Variants in RFX3 observed in about 807,000 individuals in gnomAD.
RFX3 encodes transcription factor RFX3.
Under a neutral mutation model 98.6 loss-of-function variants are expected in RFX3, and 14 were observed. The ratio of observed to expected loss-of-function variants is 0.14; its 90% CI spans 0.09 to 0.22. The LOEUF is 0.22. Among genes scored for constraint, RFX3 ranks in the 10% least tolerant of loss-of-function variants. The pLI is 1.00. For synonymous variants in RFX3, 383 were observed against 328.4 expected, an observed-to-expected ratio of 1.17 and a Z score of -1.80; for missense variants, 639 against 926.9, an observed-to-expected ratio of 0.69 and a Z score of 4.03.
chr9:3,218,843 T>C lies in RFX3; in HGVS notation c.*6199A>G, dbSNP rs1817201424. The C allele has an allele frequency of 6.6e-6, 1 of 152,190 alleles. No homozygotes were observed. Among genetic ancestry groups the C allele is most frequent in the Non-Finnish European group, 1.5e-5 (1 of 68,010 alleles). 9.4% of individuals were successfully genotyped at this position (152,190 alleles called of 1,614,324 possible). ...ATATCTCCTAGTGTTACTATGTTTCTGTGCTTGTGGGACTGAATAATGTAA... is the reference window on the plus strand; with the variant it reads ...ATATCTCCTAGTGTTACTATGTTTCCGTGCTTGTGGGACTGAATAATGTAA... On this transcript the variant is annotated 3_prime_UTR_variant, in exon 17 of 17. Transcript: ENST00000617270.
At chr9:3,369,273 T>C (rs1349046149) in intron 2 of RFX3, among the ~76,000 whole-genome samples, 1 of 152,100 alleles carries the variant, frequency 6.6e-6, no homozygotes, top group Non-Finnish European at 1.5e-5. Flanking sequence ...CAGCCTGCTT[T>C]CTGGCTCATA....
chr9:3,341,296 CTAA>C lies in RFX3; in HGVS notation c.215+5368_215+5370del, dbSNP rs373811341. Among the ~76,000 whole-genome samples, 1,145 of 151,936 alleles carry C rather than the reference CTAA, an allele frequency of 7.5e-3. 8 individuals carry two copies. Among genetic ancestry groups the C allele is most frequent in the African/African-American group, 0.026 (1,084 of 41,414 alleles). On this transcript the variant is annotated intron_variant, in intron 3 of 16. Transcript: ENST00000617270. The stretch of plus-strand genomic sequence containing the variant: ...GGAGGGATAGCATTAGGAGATATAC[CTAA>C]TGCTAAATGACGAGTTAATGGGTGC...
At chr9:3,408,347 C>A in intron 1 of RFX3, among the ~76,000 whole-genome samples, 1 of 152,132 alleles carries the variant, frequency 6.6e-6, no homozygotes, top group East Asian at 1.9e-4. Flanking sequence ...TGCAGTACAA[C>A]CAACATCTCT....
At chr9:3,451,759 G>A (rs1289518417) in intron 1 of RFX3, among the ~76,000 whole-genome samples, 1 of 151,660 alleles carries the variant, frequency 6.6e-6, no homozygotes, top group Non-Finnish European at 1.5e-5. Context: ...GCATACATGG[G>A]AACTCTGTTT....
intron 1 of RFX3, among the ~76,000 whole-genome samples, chr9:3,455,871 G>A (rs1249940178): frequency 6.6e-6 from 1 of 152,110 alleles, no homozygotes. Context: ...CAAGTACTTC[G>A]CTTCTATTAA....
In RFX3 at chr9:3,222,078, C is replaced by G. The variant is rs142938895; in HGVS notation, c.*2964G>C. On this transcript the variant is annotated 3_prime_UTR_variant, in exon 17 of 17. Coordinates refer to ENST00000617270, the MANE Select transcript of RFX3 (RefSeq NM_001282116.2). The stretch of plus-strand genomic sequence containing the variant: ...AATAAATGCAATAAATGTGATTGCT[C>G]AATTTGCTCAAATGTATAAATTGTT... 3.7e-4 allele frequency: 57 copies of G among 152,230 alleles called. No homozygotes were observed. Among genetic ancestry groups the G allele is most frequent in the African/African-American group, 1.2e-3 (50 of 41,554 alleles). 9.4% of individuals were successfully genotyped at this position (152,230 alleles called of 1,614,324 possible).
intron 14 of RFX3, among the ~76,000 whole-genome samples, chr9:3,249,863 A>G (rs1413138614): frequency 6.6e-6 from 1 of 152,074 alleles, no homozygotes; most frequent in African/African-American, 2.4e-5. Flanking sequence ...TAATATATTC[A>G]TTATCATAAA....
At chr9:3,261,872 G>A (rs1001420950) in intron 13 of RFX3, among the ~76,000 whole-genome samples, 5 of 152,030 alleles carry the variant, frequency 3.3e-5, no homozygotes, top group African/African-American at 1.2e-4. Flanking sequence ...CCTCGCTGTG[G>A]TTTTGACTTG....
At chr9:3,402,574 AAAAT>A (rs1203754699) in intron 1 of RFX3, among the ~76,000 whole-genome samples, 2 of 152,088 alleles carry the variant, frequency 1.3e-5, no homozygotes, top group Non-Finnish European at 2.9e-5. Context: ...TTTACAGAAA[AAAAT>A]AAATGTTTTG....
chr9:3,473,837 T>C (rs1446106692), intron 1 of RFX3, among the ~76,000 whole-genome samples: 5 of 152,150 alleles, frequency 3.3e-5, no homozygotes, highest in Non-Finnish European at 5.9e-5. Flanking sequence ...GTCAAACGCA[T>C]TGAAAAGACT....
In RFX3 at chr9:3,370,084, G is replaced by T. The variant is rs991440382; in HGVS notation, c.118-23320C>A. On this transcript the variant is annotated intron_variant, in intron 2 of 16. Coordinates refer to ENST00000617270, the MANE Select transcript of RFX3 (RefSeq NM_001282116.2). The stretch of plus-strand genomic sequence containing the variant: ...TCTCGATCTCCTGACCTCGTGATCC[G>T]CCCGCCTCGGCCTCCCAGAGTGCTG... Among the ~76,000 whole-genome samples the T allele has an allele frequency of 6.2e-5, 9 of 145,568 alleles. No individual in the cohort carries two copies. In the Admixed American group the frequency reaches 6.3e-4, roughly 10 times the overall value.
intron 2 of RFX3, among the ~76,000 whole-genome samples, chr9:3,382,302 T>G (rs1028937969): frequency 2.0e-5 from 3 of 152,214 alleles, no homozygotes; most frequent in African/African-American, 7.2e-5. Flanking sequence ...AGATGAAAAG[T>G]TGTACCTTTG....
chr9:3,351,797 T>C (rs1480501928), intron 2 of RFX3, among the ~76,000 whole-genome samples: 2 of 151,978 alleles, frequency 1.3e-5, no homozygotes, highest in Non-Finnish European at 2.9e-5. Flanking sequence ...AAAGGGATTA[T>C]ATTAATTAAA....
At chr9:3,344,597 T>G in intron 3 of RFX3, 1 of 507,782 alleles carries the variant, frequency 2.0e-6, no homozygotes, top group Non-Finnish European at 3.5e-6. Flanking sequence ...TCAATACCCA[T>G]TTCAACTGCC....
At chr9:3,372,845 C>G (rs960522826) in intron 2 of RFX3, among the ~76,000 whole-genome samples, 1 of 152,086 alleles carries the variant, frequency 6.6e-6, no homozygotes, top group Admixed American at 6.6e-5. Flanking sequence ...CTTGGCATCC[C>G]AAAGTGCTGG....
intron 2 of RFX3, among the ~76,000 whole-genome samples, chr9:3,391,799 A>C (rs766217368): frequency 5.3e-5 from 8 of 152,192 alleles, no homozygotes; most frequent in Non-Finnish European, 1.2e-4. Flanking sequence ...CTTAAGAAGC[A>C]ATCAGGTTCC....
chr9:3,513,568 A>C (rs1817848067), intron 1 of RFX3, among the ~76,000 whole-genome samples: 1 of 152,190 alleles, frequency 6.6e-6, no homozygotes, highest in South Asian at 2.1e-4. Context: ...GCAGCAATGA[A>C]AATTAACAAA....
intron 4 of RFX3, among the ~76,000 whole-genome samples, chr9:3,322,982 C>T (rs1306061344): frequency 6.6e-6 from 1 of 152,286 alleles, no homozygotes; most frequent in African/African-American, 2.4e-5. Context: ...CTCAAACTTA[C>T]ACTTAGTAAA....
At chr9:3,373,894 C>T (rs1027041744) in intron 2 of RFX3, among the ~76,000 whole-genome samples, 3 of 152,116 alleles carry the variant, frequency 2.0e-5, no homozygotes, top group Non-Finnish European at 2.9e-5. Flanking sequence ...TTGGCTCACA[C>T]GGTGAAATCC....
Sources: gnomAD v4.1 joint callset for allele counts (sites outside exome capture counted in the v4.1 genomes callset) on GRCh38, gnomAD v4.1.1 for gene constraint, MANE v1.5 for transcripts, NCBI Gene and HGNC (gene_info 2026-07-23, HGNC 2026-07-21) for gene names.